Variants in GALK2 observed in about 807,000 individuals in gnomAD.
The protein encoded by GALK2 is galactokinase 2.
In GALK2, 36 loss-of-function variants were observed where a neutral mutation model predicts 52.4. The observed-to-expected ratio is 0.69, with a 90% confidence interval of 0.53 to 0.91. The LOEUF is 0.91. GALK2 is among the 40% of genes least tolerant of loss of function. The pLI is 0.00. For synonymous variants in GALK2, 176 were observed against 199.1 expected (o/e 0.88, Z 0.98); for missense variants, 579 against 559.1 (o/e 1.04, Z -0.36).
chr15:49,358,212 A>T (rs1412773140), intron 3 of GALK2, among the ~76,000 whole-genome samples: 2 of 151,234 alleles, frequency 1.3e-5, no homozygotes, highest in Non-Finnish European at 2.9e-5. Context: ...CTCCTATTCA[A>T]CATAGTGTTG....
chr15:49,300,580 C>T (rs2035025963), intron 8 of GALK2, among the ~76,000 whole-genome samples: 1 of 151,930 alleles, frequency 6.6e-6, no homozygotes, highest in East Asian at 1.9e-4. Flanking sequence ...ATTGTAGTTC[C>T]CATAATCCCG....
intron 8 of GALK2, among the ~76,000 whole-genome samples, chr15:49,308,491 T>C (rs2035729910): frequency 6.6e-6 from 1 of 152,236 alleles, no homozygotes; most frequent in Non-Finnish European, 1.5e-5. Flanking sequence ...TGATTAATTA[T>C]CCTGAGATAG....
chr15:49,249,701 C>G (rs572253306), intron 5 of GALK2, among the ~76,000 whole-genome samples: 1 of 152,312 alleles, frequency 6.6e-6, no homozygotes, highest in Admixed American at 6.5e-5. Flanking sequence ...CTCTTAGAAG[C>G]AAAATTTATT....
Position 49,331,882 on chromosome 15 carries a change from A to C in GALK2, c.*3723A>C. On this transcript the variant is annotated 3_prime_UTR_variant, in exon 10 of 10. Coordinates refer to ENST00000560031, the MANE Select transcript of GALK2 (RefSeq NM_002044.4). ...TGGAATAAAGAAAATCAGTAACCAA[A>C]CTAATTGTCCTTATATTGACACCAT... is the stretch of plus-strand genomic sequence containing the variant. 7.6e-7 allele frequency: 1 copy of C among 1,307,210 alleles called. No individual in the cohort carries two copies. 81.0% of individuals were successfully genotyped at this position (1,307,210 alleles called of 1,614,324 possible).
upstream of GALK2, among the ~76,000 whole-genome samples, chr15:49,165,367 G>C (rs777509784): frequency 6.6e-6 from 1 of 152,124 alleles, no homozygotes. Flanking sequence ...TTTCAGACTT[G>C]CCTAGGGTCA....
intron 3 of GALK2, among the ~76,000 whole-genome samples, chr15:49,342,116 G>A (rs1234313291): frequency 6.6e-6 from 1 of 152,140 alleles, no homozygotes; most frequent in Non-Finnish European, 1.5e-5. Flanking sequence ...TCTGCATTAT[G>A]TTGTCAGTAC....
chr15:49,277,137 ATTTTTTTTTTTTTTTTTT>A (rs1272500341), intron 5 of GALK2, among the ~76,000 whole-genome samples: 10 of 35,952 alleles, frequency 2.8e-4, no homozygotes, highest in Admixed American at 5.1e-4. Flanking sequence ...TAATTTTTGT[ATTTTTTTTTTTTTTTTTT>A]TTTTTTTTTT....
intron 5 of GALK2, among the ~76,000 whole-genome samples, chr15:49,281,189 T>A (rs1376560832): frequency 6.6e-6 from 1 of 152,160 alleles, no homozygotes; most frequent in African/African-American, 2.4e-5. Flanking sequence ...AGCTAGCCAA[T>A]AAACTGGATA....
intron 7 of GALK2, among the ~76,000 whole-genome samples, chr15:49,290,588 G>A (rs2141816513): frequency 6.6e-6 from 1 of 152,332 alleles, no homozygotes; most frequent in East Asian, 1.9e-4. Context: ...CTGGGGCAAT[G>A]TGACTGGTTC....
chr15:49,339,775 A>G (rs778101165), intron 3 of GALK2, among the ~76,000 whole-genome samples: 4 of 152,142 alleles, frequency 2.6e-5, no homozygotes, highest in Non-Finnish European at 5.9e-5. Context: ...GGTTTTATCT[A>G]TAAGTCCCTG....
chr15:49,345,976 T>A (rs767506398), intron 3 of GALK2, among the ~76,000 whole-genome samples: 2 of 152,030 alleles, frequency 1.3e-5, no homozygotes, highest in Non-Finnish European at 2.9e-5. Context: ...AAAAGTATTG[T>A]CCTAGAATTG....
At chr15:49,203,043 TTTTATTTTATTAA>T (rs1273021609) in intron 2 of GALK2, among the ~76,000 whole-genome samples, 2 of 152,090 alleles carry the variant, frequency 1.3e-5, no homozygotes, top group Non-Finnish European at 2.9e-5. Flanking sequence ...TTTTATTTTA[TTTTATTTTATTAA>T]TTTATTTATT....
intron 2 of GALK2, among the ~76,000 whole-genome samples, chr15:49,212,244 G>A (rs187421996): frequency 4.0e-5 from 6 of 151,862 alleles, no homozygotes; most frequent in African/African-American, 1.4e-4. Context: ...AGGTGTCCAC[G>A]ACCATGCCTG....
chr15:49,302,292 G>A (rs1036413130), intron 8 of GALK2, among the ~76,000 whole-genome samples: 1 of 152,136 alleles, frequency 6.6e-6, no homozygotes, highest in Non-Finnish European at 1.5e-5. Context: ...GATAAAGATA[G>A]GTAGCTTTAT....
chr15:49,262,801 T>C (rs1044043041), intron 5 of GALK2, among the ~76,000 whole-genome samples: 5 of 148,662 alleles, frequency 3.4e-5, no homozygotes, highest in Non-Finnish European at 7.4e-5. Context: ...AGAACATCTT[T>C]ATTTCTACCT....
intron 4 of GALK2, among the ~76,000 whole-genome samples, chr15:49,237,837 T>C (rs1221890425): frequency 6.6e-6 from 1 of 152,138 alleles, no homozygotes; most frequent in Non-Finnish European, 1.5e-5. Context: ...ATATTAAATA[T>C]ATTGTATTCT....
At chr15:49,310,685 C>T (rs1233478176) in intron 8 of GALK2, among the ~76,000 whole-genome samples, 1 of 152,072 alleles carries the variant, frequency 6.6e-6, no homozygotes, top group Non-Finnish European at 1.5e-5. Flanking sequence ...TATATGTCTT[C>T]TTTTGAGAAA....
chr15:49,272,576 G>C (rs138469201), intron 5 of GALK2, among the ~76,000 whole-genome samples: 1 of 152,084 alleles, frequency 6.6e-6, no homozygotes, highest in Non-Finnish European at 1.5e-5. Context: ...AGAGTATACT[G>C]TACTCTTTTC....
intron 3 of GALK2, chr15:49,365,563 G>C: frequency 1.1e-6 from 1 of 887,746 alleles, no homozygotes. Context: ...AAAAGGTCCA[G>C]CTGCAAGTTT....
Sources: allele counts gnomAD v4.1 joint callset (sites outside exome capture counted in the v4.1 genomes callset), GRCh38; gene constraint gnomAD v4.1.1; transcripts MANE v1.5; gene names NCBI Gene and HGNC (gene_info 2026-07-23, HGNC 2026-07-21).